PPP2R2B: variants seen among roughly 807,000 people sequenced by gnomAD.
The protein encoded by PPP2R2B is serine/threonine-protein phosphatase 2A 55 kDa regulatory subunit B beta isoform.
A neutral mutation model predicts 46.0 loss-of-function variants in PPP2R2B; 5 were observed. The observed-to-expected ratio is 0.11, with a 90% CI of 0.06 to 0.23. The LOEUF (loss-of-function observed/expected upper bound fraction) is 0.23, where lower values mean the gene tolerates loss of function less well. Among genes scored for constraint, PPP2R2B ranks in the 10% least tolerant of loss-of-function variants. The pLI is 1.00. For synonymous variants in PPP2R2B, 215 were observed against 206.7 expected, an observed-to-expected ratio of 1.04 and a Z score of -0.34; for missense variants, 367 against 575.0, an observed-to-expected ratio of 0.64 and a Z score of 3.70.
intron 2 of PPP2R2B, among the ~76,000 whole-genome samples, chr5:146,817,754 T>C (rs1561931661): frequency 6.6e-6 from 1 of 152,258 alleles, no homozygotes. Context: ...CACAACTTAG[T>C]GGTATGCGCC....
chr5:146,986,707 C>T (rs1253267813), intron 1 of PPP2R2B, among the ~76,000 whole-genome samples: 1 of 151,958 alleles, frequency 6.6e-6, no homozygotes, highest in African/African-American at 2.4e-5. Context: ...TGAAAATACA[C>T]AGTCAGAGAG....
At chr5:147,020,743 C>G (rs1171109833) in intron 1 of PPP2R2B, among the ~76,000 whole-genome samples, 1 of 152,084 alleles carries the variant, frequency 6.6e-6, no homozygotes, top group Non-Finnish European at 1.5e-5. Context: ...CTTGTTTTAA[C>G]TTCTAATGAG....
At chr5:147,026,324 A>T (rs1461894459) in intron 1 of PPP2R2B, among the ~76,000 whole-genome samples, 1 of 152,170 alleles carries the variant, frequency 6.6e-6, no homozygotes, top group Non-Finnish European at 1.5e-5. Flanking sequence ...AGTAACATTG[A>T]TGAATCTCAA....
intron 2 of PPP2R2B, among the ~76,000 whole-genome samples, chr5:146,760,109 A>G (rs1473376781): frequency 6.6e-6 from 1 of 152,250 alleles, no homozygotes. Context: ...CATTTAGCAC[A>G]GCATGTAACA....
intron 2 of PPP2R2B, among the ~76,000 whole-genome samples, chr5:146,865,133 T>C (rs1761232894): frequency 6.6e-6 from 1 of 152,218 alleles, no homozygotes; most frequent in Non-Finnish European, 1.5e-5. Flanking sequence ...ATCTAAACTT[T>C]CATTATTAGG....
intron 5 of PPP2R2B, among the ~76,000 whole-genome samples, chr5:146,665,012 T>C (rs1776894506): frequency 2.6e-4 from 1 of 3,872 alleles, no homozygotes; most frequent in South Asian, 0.017. Context: ...ACAGATGTGC[T>C]CTATTCAGGC....
chr5:147,068,990 T>C (rs1757494427), intron 2 of PPP2R2B, among the ~76,000 whole-genome samples: 1 of 152,102 alleles, frequency 6.6e-6, no homozygotes, highest in Non-Finnish European at 1.5e-5. Flanking sequence ...AAACAGCTAA[T>C]ACAATTATGG....
chr5:147,034,215 T>C (rs981330253), intron 1 of PPP2R2B, among the ~76,000 whole-genome samples: 1 of 152,198 alleles, frequency 6.6e-6, no homozygotes, highest in Non-Finnish European at 1.5e-5. Flanking sequence ...GGTTTTTGTA[T>C]GGCTGATGAC....
chr5:146,983,162 G>A (rs187763478), intron 1 of PPP2R2B, among the ~76,000 whole-genome samples: 6 of 129,916 alleles, frequency 4.6e-5, no homozygotes, highest in South Asian at 5.0e-4. Flanking sequence ...TTTATCTATC[G>A]TGTTTTCCAG....
At position 146,909,431 on chromosome 5, in the gene PPP2R2B, A is replaced by C. The variant is rs547768566; in HGVS notation, c.79+146234T>G. 7.9e-5 allele frequency among the ~76,000 whole-genome samples: 12 copies of C among 152,326 alleles called. No homozygotes were observed. The South Asian group carries it at 2.5e-3, about 32-fold the overall frequency. On this transcript the variant is annotated intron_variant, in intron 1 of 8. Coordinates refer to the PPP2R2B transcript ENST00000336640. ...GAGCATTTTCCTCACCATTATGCAC[A>C]TGTTACTACCCTCTTAAGAGGTCAG...
chr5:146,969,782 C>T (rs1752586292), intron 1 of PPP2R2B, among the ~76,000 whole-genome samples: 1 of 152,204 alleles, frequency 6.6e-6, no homozygotes, highest in African/African-American at 2.4e-5. Flanking sequence ...CTGACAAAAG[C>T]AACCAAGTAA....
chr5:146,751,528 G>A (rs1235495857), intron 2 of PPP2R2B: 1 of 152,122 alleles, frequency 6.6e-6, no homozygotes, highest in African/African-American at 2.4e-5. Flanking sequence ...CAAGGCCTTT[G>A]CATTTTGTCA....
At chr5:146,871,622 G>A (rs1411577785) in intron 2 of PPP2R2B, among the ~76,000 whole-genome samples, 1 of 152,228 alleles carries the variant, frequency 6.6e-6, no homozygotes, top group Non-Finnish European at 1.5e-5. Context: ...GACGTGCACT[G>A]CTGTGCTAGG....
intron 2 of PPP2R2B, among the ~76,000 whole-genome samples, chr5:146,843,779 C>T (rs971379103): frequency 2.0e-5 from 3 of 152,024 alleles, no homozygotes; most frequent in Non-Finnish European, 4.4e-5. Context: ...AGGACATGAA[C>T]TCATCATTTT....
At chr5:146,668,484 A>G (rs776503276) in intron 5 of PPP2R2B, among the ~76,000 whole-genome samples, 18 of 152,138 alleles carry the variant, frequency 1.2e-4, no homozygotes, top group African/African-American at 1.7e-4. Flanking sequence ...TGGCAATCAC[A>G]TTCTTTTTAA....
intron 1 of PPP2R2B, among the ~76,000 whole-genome samples, chr5:147,023,330 T>C (rs764146254): frequency 3.3e-5 from 5 of 151,700 alleles, no homozygotes; most frequent in African/African-American, 4.8e-5. Flanking sequence ...TTAATATGAA[T>C]GAAGTCAGAA....
intron 2 of PPP2R2B, among the ~76,000 whole-genome samples, chr5:147,065,867 G>T (rs777914981): frequency 1.3e-5 from 2 of 152,058 alleles, no homozygotes; most frequent in Non-Finnish European, 2.9e-5. Context: ...GGTGCCTGCT[G>T]GGTGCGGGTC....
upstream of PPP2R2B, chr5:146,878,823 C>T: frequency 4.0e-6 from 5 of 1,260,124 alleles, no homozygotes; most frequent in African/African-American, 1.6e-5. The surrounding 1 kb of genome is among the most constrained non-coding windows in gnomAD (Gnocchi z 4.5). Flanking sequence ...AGCAGCCCCA[C>T]GACTCTTTCC....
chr5:146,824,805 C>T (rs1758471391), intron 2 of PPP2R2B, among the ~76,000 whole-genome samples: 2 of 150,712 alleles, frequency 1.3e-5, no homozygotes, highest in African/African-American at 2.4e-5. Flanking sequence ...GTAACCTCTG[C>T]CTCCTGGGTT....
Sources: allele counts gnomAD v4.1 joint callset (sites outside exome capture counted in the v4.1 genomes callset), GRCh38; gene constraint gnomAD v4.1.1; non-coding constraint Gnocchi (gnomAD v3.1); transcripts MANE v1.5; gene names NCBI Gene and HGNC (gene_info 2026-07-23, HGNC 2026-07-21).